KCNQ2: variants seen among roughly 807,000 people sequenced by gnomAD.
The protein encoded by KCNQ2 is potassium voltage-gated channel subfamily KQT member 2.
Under a neutral mutation model 84.8 loss-of-function variants are expected in KCNQ2, and 14 were observed. The ratio of observed to expected loss-of-function variants is 0.17; its 90% CI spans 0.11 to 0.26. The LOEUF (loss-of-function observed/expected upper bound fraction) is 0.26. Among genes scored for constraint, KCNQ2 ranks in the 10% least tolerant of loss-of-function variants. The pLI, the probability that KCNQ2 is intolerant of heterozygous loss-of-function variation, is 1.00. For synonymous variants in KCNQ2, 599 were observed against 554.1 expected, an observed-to-expected ratio of 1.08 and a Z score of -1.14; for missense variants, 788 against 1,254.0, an observed-to-expected ratio of 0.63 and a Z score of 5.61.
chr20:63,470,592 G>A (rs2082192594), intron 1 of KCNQ2, among the ~76,000 whole-genome samples: 1 of 152,202 alleles, frequency 6.6e-6, no homozygotes, highest in Admixed American at 6.5e-5. Flanking sequence ...CTGGGCCCTT[G>A]GATCATGGAC....
In KCNQ2 at chr20:63,400,779, G is replaced by A. The variant is rs573030511; in HGVS notation, c.*5865C>T. ...CGTCCAGCGGGACCACCAGCTCTGG[G>A]CGCCTCAGTGCGAGACCCCTCCGTG... On this transcript the variant is annotated 3_prime_UTR_variant, in exon 17 of 17. Transcript: ENST00000359125. The surrounding 1 kb of genome is among the most constrained non-coding windows in gnomAD (Gnocchi z 8.7). 139 of 398,514 alleles carry A rather than the reference G, an allele frequency of 3.5e-4. 1 individual carries two copies. The highest frequency in any genetic ancestry group is 2.5e-3 in the East Asian group (69 of 28,066). 24.7% of individuals were successfully genotyped at this position (398,514 alleles called of 1,614,324 possible).
At chr20:63,428,335 C>T in intron 10 of KCNQ2, 32 bp downstream of exon 10, 2 of 1,531,334 alleles carry the variant, frequency 1.3e-6, no homozygotes, top group Non-Finnish European at 1.8e-6. Flanking sequence ...ACTGAGACGC[C>T]CACCCGCCCC....
chr20:63,443,078 CCACCACCATTAT>C (rs2081272397), intron 4 of KCNQ2, among the ~76,000 whole-genome samples: 2 of 76,980 alleles, frequency 2.6e-5, no homozygotes, highest in Non-Finnish European at 5.2e-5. Context: ...ATTATCACCA[CCACCACCATTAT>C]CACCACCATC....
chr20:63,430,718 G>A (rs891017104), intron 9 of KCNQ2, among the ~76,000 whole-genome samples: 2 of 152,232 alleles, frequency 1.3e-5, no homozygotes, highest in Admixed American at 6.5e-5. Flanking sequence ...GGGGTGGGAC[G>A]GCCTGGAGCC....
chr20:63,428,484 C>G, intron 9 of KCNQ2, 49 bp from the exon 10 acceptor site: 1 of 1,453,918 alleles, frequency 6.9e-7, no homozygotes, highest in East Asian at 2.4e-5. Context: ...CTCCCGAGTC[C>G]TGGGACACCT....
chr20:63,417,528 T>C (rs1387922206), intron 12 of KCNQ2, among the ~76,000 whole-genome samples: 1 of 152,202 alleles, frequency 6.6e-6, no homozygotes, highest in Non-Finnish European at 1.5e-5. Flanking sequence ...GGGCTGCCCT[T>C]GGCTGGTCTC....
At chr20:63,449,513 T>C (rs997636192) in intron 1 of KCNQ2, among the ~76,000 whole-genome samples, 2 of 152,194 alleles carry the variant, frequency 1.3e-5, no homozygotes, top group African/African-American at 4.8e-5. Context: ...AGGTCAGCGT[T>C]GGCCGCAGTG....
intron 15 of KCNQ2, chr20:63,410,900 G>A (rs969532794): frequency 1.7e-5 from 7 of 405,384 alleles, no homozygotes; most frequent in Non-Finnish European, 3.5e-5. Flanking sequence ...CTCCGCCCCA[G>A]GGGCTCTACC....
At chr20:63,437,614 G>A (rs1304802486) in intron 7 of KCNQ2, among the ~76,000 whole-genome samples, 2 of 152,206 alleles carry the variant, frequency 1.3e-5, no homozygotes, top group Non-Finnish European at 2.9e-5. Context: ...AAGGATGCAT[G>A]TGATTGCATT....
chr20:63,443,424 TC>T (rs2081313546), intron 4 of KCNQ2, among the ~76,000 whole-genome samples: 4 of 36,620 alleles, frequency 1.1e-4, no homozygotes. Flanking sequence ...ATCACCACCA[TC>T]ATCACCATCA....
intron 8 of KCNQ2, 96 bp downstream of exon 8, chr20:63,433,713 C>G (rs2080897303): frequency 6.2e-7 from 1 of 1,601,710 alleles, no homozygotes; most frequent in African/African-American, 1.3e-5. Flanking sequence ...GAAAAAAAAT[C>G]AATCAAAATA....
chr20:63,438,384 C>T lies in KCNQ2; in HGVS notation c.1023+241G>A, dbSNP rs2081065380. On this transcript the variant is annotated intron_variant, in intron 7 of 16. Coordinates refer to ENST00000359125, the MANE Select transcript of KCNQ2 (RefSeq NM_172107.4). The surrounding 1 kb of genome is among the most constrained non-coding windows in gnomAD (Gnocchi z 5.1). ...CCTGATGGCCGGGCCCCAGCACCCA[C>T]ACAAGGCAAGGGCCACCCCAGCGTC... is the stretch of plus-strand genomic sequence containing the variant. 1 of 594,312 alleles carries T rather than the reference C, an allele frequency of 1.7e-6. No individual in the cohort carries two copies. Among genetic ancestry groups the T allele is most frequent in the African/African-American group, 1.8e-5 (1 of 54,142 alleles). 36.8% of individuals were successfully genotyped at this position (594,312 alleles called of 1,614,324 possible).
In KCNQ2 at chr20:63,472,530, C is replaced by A; in HGVS notation, c.-67G>T. On this transcript the variant is annotated 5_prime_UTR_variant, in exon 1 of 17. Transcript: ENST00000359125. The stretch of plus-strand genomic sequence containing the variant: ...CGGGGGCGGAGCGCGGGGGGCGGCG[C>A]GGGCCCCAGCCCAGGCCCCCCGGCC... 7.7e-7 allele frequency: 1 copy of A among 1,304,420 alleles called. No homozygotes were observed. The allele number at this position is 1,304,420 out of a possible 1,614,324, so 80.8% of individuals were successfully genotyped here.
At chr20:63,471,521 G>A (rs971047007) in intron 1 of KCNQ2, among the ~76,000 whole-genome samples, 1 of 152,102 alleles carries the variant, frequency 6.6e-6, no homozygotes, top group Non-Finnish European at 1.5e-5. Context: ...GGGGCGGCCG[G>A]CGGCTGCAGA....
chr20:63,443,346 C>T (rs796542819), intron 4 of KCNQ2, among the ~76,000 whole-genome samples: 12 of 15,960 alleles, frequency 7.5e-4, no homozygotes, highest in South Asian at 2.1e-3. Context: ...ACCACCATCA[C>T]CACCACCACC....
chr20:63,456,351 C>T (rs981046688), intron 1 of KCNQ2, among the ~76,000 whole-genome samples: 1 of 152,228 alleles, frequency 6.6e-6, no homozygotes, highest in Admixed American at 6.5e-5. Context: ...GTCTGGGCCC[C>T]CCGAGTCAGT....
intron 1 of KCNQ2, among the ~76,000 whole-genome samples, chr20:63,449,566 G>C (rs2081544435): frequency 6.6e-6 from 1 of 152,228 alleles, no homozygotes; most frequent in Non-Finnish European, 1.5e-5. Context: ...GTCAGCATTG[G>C]CTGTGGTGCC....
chr20:63,433,970 G>T, intron 7 of KCNQ2, 67 bp from the exon 8 acceptor site: 2 of 1,436,470 alleles, frequency 1.4e-6, no homozygotes, highest in Non-Finnish European at 9.8e-7. Flanking sequence ...GGAGGGCCGG[G>T]CGTGGAGGGA....
In KCNQ2 at chr20:63,415,024, G is replaced by A. The variant is rs748661912; in HGVS notation, c.1404C>T (p.Ser468=). 6.8e-6 allele frequency: 11 copies of A among 1,609,714 alleles called. No homozygotes were observed. Among genetic ancestry groups the A allele is most frequent in the African/African-American group, 5.3e-5 (4 of 74,918 alleles). ...GGCTGTCCTCGAGGCTCTGGTCGGC[G>A]CTGGGTGACCGCCTCACAGTCTGGG... The part of the protein sequence containing the change: ...PQAQTVRRSP[S]ADQSLEDSPS... The change falls in exon 13 of 17, where the codon AGC becomes AGT. Residue 468 remains serine, a synonymous_variant. Transcript: ENST00000359125.
Sources: gnomAD v4.1 joint callset for allele counts (sites outside exome capture counted in the v4.1 genomes callset) on GRCh38, gnomAD v4.1.1 for gene constraint, Gnocchi (gnomAD v3.1) non-coding constraint, MANE v1.5 for transcripts, NCBI Gene and HGNC (gene_info 2026-07-23, HGNC 2026-07-21) for gene names.